RBFOX1: variants seen among roughly 807,000 people sequenced by gnomAD.
The protein encoded by RBFOX1 is RNA binding fox-1 homolog 1.
Under a neutral mutation model 57.7 loss-of-function variants are expected in RBFOX1, and 8 were observed. The ratio of observed to expected loss-of-function variants is 0.14; its 90% CI spans 0.08 to 0.25. The LOEUF (loss-of-function observed/expected upper bound fraction) is 0.25, where lower values mean the gene tolerates loss of function less well. Ranked by LOEUF, RBFOX1 falls within the 10% of genes least tolerant of loss-of-function variation. The pLI is 1.00. For synonymous variants in RBFOX1, 326 were observed against 222.4 expected, an observed-to-expected ratio of 1.47 and a Z score of -4.15; for missense variants, 611 against 548.5, an observed-to-expected ratio of 1.11 and a Z score of -1.14.
intron 1 of RBFOX1, among the ~76,000 whole-genome samples, chr16:6,178,686 A>G (rs1456285799): frequency 6.6e-6 from 1 of 152,164 alleles, no homozygotes; most frequent in Non-Finnish European, 1.5e-5. Context: ...CCTAGAGGGT[A>G]TCTAGTCTAC....
chr16:7,316,016 G>A (rs2096430510), intron 4 of RBFOX1, among the ~76,000 whole-genome samples: 1 of 152,132 alleles, frequency 6.6e-6, no homozygotes, highest in Admixed American at 6.5e-5. Flanking sequence ...TGCAAATCTG[G>A]TGATTCACCC....
intron 3 of RBFOX1, among the ~76,000 whole-genome samples, chr16:6,843,850 A>T (rs1020551484): frequency 6.6e-6 from 1 of 152,174 alleles, no homozygotes; most frequent in African/African-American, 2.4e-5. Flanking sequence ...TCCTGAACTG[A>T]CTGTTCCCTC....
chr16:7,011,553 G>T (rs768890522), intron 3 of RBFOX1, among the ~76,000 whole-genome samples: 1 of 152,056 alleles, frequency 6.6e-6, no homozygotes, highest in Non-Finnish European at 1.5e-5. Flanking sequence ...TTGCTTTGTC[G>T]CACAGGCTGG....
At chr16:7,241,277 A>G (rs1185878498) in intron 4 of RBFOX1, among the ~76,000 whole-genome samples, 5 of 152,070 alleles carry the variant, frequency 3.3e-5, no homozygotes, top group African/African-American at 9.7e-5. Context: ...CGGCACTACT[A>G]TTTATTCTAA....
At chr16:7,612,481 C>G (rs1167046703) in intron 10 of RBFOX1, among the ~76,000 whole-genome samples, 1 of 151,550 alleles carries the variant, frequency 6.6e-6, no homozygotes, top group Non-Finnish European at 1.5e-5. Context: ...ATATCTCTAC[C>G]CAGTAGCAGG....
intron 3 of RBFOX1, among the ~76,000 whole-genome samples, chr16:6,668,243 A>T (rs966198739): frequency 2.0e-5 from 3 of 152,178 alleles, no homozygotes; most frequent in African/African-American, 7.2e-5. Flanking sequence ...CACCTTGTTG[A>T]TGAGGAGTCT....
chr16:7,425,530 C>T (rs1568829855), intron 4 of RBFOX1, among the ~76,000 whole-genome samples: 2 of 152,174 alleles, frequency 1.3e-5, no homozygotes. Flanking sequence ...TAAATATCAC[C>T]TTATTTCTGG....
intron 4 of RBFOX1, among the ~76,000 whole-genome samples, chr16:5,877,092 C>T (rs915735662): frequency 6.6e-6 from 1 of 152,278 alleles, no homozygotes; most frequent in South Asian, 2.1e-4. Context: ...ACTGTGCTCC[C>T]TCCTAACAGA....
chr16:7,362,326 T>A (rs939830207), intron 4 of RBFOX1, among the ~76,000 whole-genome samples: 1 of 150,978 alleles, frequency 6.6e-6, no homozygotes, highest in African/African-American at 2.4e-5. Context: ...GTGTGTATGT[T>A]TTGTGTGTAT....
chr16:7,286,665 C>T (rs1291093957), intron 4 of RBFOX1, among the ~76,000 whole-genome samples: 1 of 147,190 alleles, frequency 6.8e-6, no homozygotes, highest in African/African-American at 2.5e-5. Flanking sequence ...ACTCTGTCAC[C>T]CAGGATGGAG....
chr16:6,141,579 C>G (rs1263969179), intron 1 of RBFOX1, among the ~76,000 whole-genome samples: 1 of 152,146 alleles, frequency 6.6e-6, no homozygotes, highest in African/African-American at 2.4e-5. Context: ...TCTTTCCCTG[C>G]TTGTCCAATC....
At chr16:5,804,758 T>A (rs769574826) in intron 3 of RBFOX1, among the ~76,000 whole-genome samples, 1 of 152,202 alleles carries the variant, frequency 6.6e-6, no homozygotes, top group Non-Finnish European at 1.5e-5. Context: ...CTGCCTGGCC[T>A]TGAGTCCTAC....
At chr16:7,119,917 C>T (rs2066740192) in intron 4 of RBFOX1, among the ~76,000 whole-genome samples, 2 of 152,068 alleles carry the variant, frequency 1.3e-5, no homozygotes, top group African/African-American at 4.8e-5. Context: ...TTCAAGTCCA[C>T]ATGAGATATT....
intron 4 of RBFOX1, among the ~76,000 whole-genome samples, chr16:7,493,961 A>G (rs2067761211): frequency 1.3e-5 from 2 of 152,148 alleles, no homozygotes; most frequent in African/African-American, 4.8e-5. Flanking sequence ...AGTCAAAACA[A>G]TTTCTTAGTT....
chr16:7,340,630 C>T (rs12324950), intron 4 of RBFOX1, among the ~76,000 whole-genome samples: 33,483 of 152,124 alleles, frequency 0.22, 3,892 homozygotes, highest in African/African-American at 0.27. Flanking sequence ...ATGATCCATG[C>T]AGCCACACCA....
In RBFOX1 at chr16:6,804,374, A is replaced by G. The variant is rs542904274; in HGVS notation, c.-16+149724A>G. Among the ~76,000 whole-genome samples the G allele has an allele frequency of 1.2e-4, 18 of 152,240 alleles. 1 individual carries two copies. The South Asian group carries it at 3.7e-3, about 32-fold the overall frequency. The stretch of plus-strand genomic sequence containing the variant: ...TCTTCCTTCATGGAAGTTAAATTCT[A>G]ATAGGATCCCTAATGCCCCATCTAG... On this transcript the variant is annotated intron_variant, in intron 3 of 15. Transcript: ENST00000550418.
At chr16:5,333,002 G>A (rs2341523) in intron 1 of RBFOX1, among the ~76,000 whole-genome samples, 142,551 of 152,030 alleles carry the variant, frequency 0.94, 67,524 homozygotes, top group East Asian at 1. Context: ...CCTGACCAAT[G>A]TGGTGAAACC....
intron 14 of RBFOX1, among the ~76,000 whole-genome samples, chr16:7,695,741 C>A (rs1388695838): frequency 6.7e-6 from 1 of 149,554 alleles, no homozygotes; most frequent in African/African-American, 2.5e-5. Flanking sequence ...CTTATAAAAA[C>A]ATTTATTAGA....
chr16:7,380,378 T>C (rs1318910476), intron 4 of RBFOX1, among the ~76,000 whole-genome samples: 1 of 152,234 alleles, frequency 6.6e-6, no homozygotes, highest in East Asian at 1.9e-4. Flanking sequence ...AATATACACA[T>C]TTAGAACATA....
Sources: gnomAD v4.1 joint callset for allele counts (sites outside exome capture counted in the v4.1 genomes callset) on GRCh38, gnomAD v4.1.1 for gene constraint, MANE v1.5 for transcripts, NCBI Gene and HGNC (gene_info 2026-07-23, HGNC 2026-07-21) for gene names.